PRELID2: variants seen among roughly 807,000 people sequenced by gnomAD.
The protein encoded by PRELID2 is PRELI domain containing 2, also known as PRELI domain-containing protein 2.
A neutral mutation model predicts 28.4 loss-of-function variants in PRELID2; 25 were observed. The observed-to-expected ratio is 0.88, with a 90% CI of 0.64 to 1.23. The LOEUF is 1.23. PRELID2 is among the 50% of genes most tolerant of loss of function. The pLI is 0.00. For missense variants in PRELID2, 201 were observed against 214.4 expected (o/e 0.94, Z 0.39); for synonymous variants, 76 against 71.6 (o/e 1.06, Z -0.31).
In PRELID2 at chr5:145,835,283, A is replaced by C. The variant is rs775717387; in HGVS notation, c.-32T>G. 6.7e-7 allele frequency: 1 copy of C among 1,491,928 alleles called. No homozygotes were observed. Among genetic ancestry groups the C allele is most frequent in the Non-Finnish European group, 9.1e-7 (1 of 1,098,444 alleles). The allele number at this position is 1,491,928 out of a possible 1,614,324, so 92.4% of individuals were successfully genotyped here. A position where few individuals can be genotyped will look rare whatever the true frequency, so the allele number is the denominator to read the frequency against. On this transcript the variant is annotated 5_prime_UTR_variant, in exon 1 of 7. Transcript: ENST00000683046. ...GCGCCGCGGGCCCCGCGCACCGGCC[A>C]CGCCTCCGCGAGCTCAGAGCTGCCC...
the PRELID2 span, among the ~76,000 whole-genome samples, chr5:145,358,223 G>A: frequency 6.6e-6 from 1 of 152,082 alleles, no homozygotes; most frequent in Non-Finnish European, 1.5e-5. Flanking sequence ...GAACCACTGG[G>A]CTGGAATTTC....
intron 1 of PRELID2, among the ~76,000 whole-genome samples, chr5:145,577,780 A>C (rs1262099545): frequency 6.6e-6 from 1 of 152,134 alleles, no homozygotes; most frequent in Non-Finnish European, 1.5e-5. Flanking sequence ...GTGGGTAACT[A>C]TATGTGATGT....
intron 1 of PRELID2, among the ~76,000 whole-genome samples, chr5:145,528,733 A>C (rs1752631101): frequency 6.9e-6 from 1 of 145,942 alleles, no homozygotes. Flanking sequence ...ACACAGAGAG[A>C]GAGAGAGAGA....
chr5:145,726,085 C>T (rs765678364), intron 1 of PRELID2, among the ~76,000 whole-genome samples: 7 of 151,806 alleles, frequency 4.6e-5, no homozygotes, highest in Non-Finnish European at 7.4e-5. Flanking sequence ...GGGAGGATTG[C>T]TTGAGCCCAC....
chr5:145,291,230 C>A, the PRELID2 span, among the ~76,000 whole-genome samples: 2 of 148,422 alleles, frequency 1.3e-5, no homozygotes, highest in Non-Finnish European at 3.0e-5. Context: ...CCAGCTACTC[C>A]GGAGGCTGAG....
At chr5:145,638,804 T>C (rs1754046567) in intron 1 of PRELID2, among the ~76,000 whole-genome samples, 1 of 152,252 alleles carries the variant, frequency 6.6e-6, no homozygotes, top group Non-Finnish European at 1.5e-5. Flanking sequence ...GTAGCATGCA[T>C]CTCCTTCAGC....
chr5:145,384,401 AC>A, the PRELID2 span, among the ~76,000 whole-genome samples: 9 of 152,244 alleles, frequency 5.9e-5, no homozygotes, highest in Non-Finnish European at 1.2e-4. Flanking sequence ...ATATATTCAT[AC>A]AATGGAATGT....
chr5:145,558,284 A>C (rs932773774), intron 1 of PRELID2, among the ~76,000 whole-genome samples: 5 of 152,222 alleles, frequency 3.3e-5, no homozygotes, highest in African/African-American at 1.2e-4. Flanking sequence ...TATTTTACAG[A>C]ACTGAGATAT....
At chr5:145,729,369 T>C in intron 1 of PRELID2, 1 of 567,610 alleles carries the variant, frequency 1.8e-6, no homozygotes. Context: ...ATTAAATCTG[T>C]TTTTCTCTAG....
chr5:145,240,984 G>A, the PRELID2 span, among the ~76,000 whole-genome samples: 1 of 152,018 alleles, frequency 6.6e-6, no homozygotes, highest in Admixed American at 6.6e-5. Flanking sequence ...ACTCAAACAG[G>A]TTAAAGAGCT....
chr5:145,710,402 G>T (rs1194037590), intron 1 of PRELID2, among the ~76,000 whole-genome samples: 1 of 152,034 alleles, frequency 6.6e-6, no homozygotes, highest in East Asian at 1.9e-4. Context: ...ACCTTTCTGG[G>T]CCTCAATTTT....
the PRELID2 span, among the ~76,000 whole-genome samples, chr5:145,417,657 A>G: frequency 6.6e-6 from 1 of 152,106 alleles, no homozygotes; most frequent in Non-Finnish European, 1.5e-5. Flanking sequence ...ACATGATTAT[A>G]TCAATAGATG....
chr5:145,755,117 T>C (rs1757222191), downstream of PRELID2, among the ~76,000 whole-genome samples: 1 of 152,168 alleles, frequency 6.6e-6, no homozygotes, highest in African/African-American at 2.4e-5. Context: ...TAGTACAATC[T>C]TGAAGACAAA....
chr5:145,650,741 T>C (rs1192987860), intron 1 of PRELID2, among the ~76,000 whole-genome samples: 2 of 151,958 alleles, frequency 1.3e-5, no homozygotes, highest in South Asian at 4.2e-4. Context: ...AGTTTTAACT[T>C]ATTTTCTGTG....
chr5:145,398,973 GA>G, the PRELID2 span, among the ~76,000 whole-genome samples: 1 of 152,228 alleles, frequency 6.6e-6, no homozygotes, highest in Admixed American at 6.6e-5. Context: ...TTTGAGTGAA[GA>G]AAAAACTTGA....
At chr5:145,535,125 CT>C (rs1418693504) in intron 1 of PRELID2, among the ~76,000 whole-genome samples, 1 of 151,886 alleles carries the variant, frequency 6.6e-6, no homozygotes, top group East Asian at 1.9e-4. Context: ...CCTTTTCCCC[CT>C]ATGTATCTCC....
At chr5:145,258,433 G>A in the PRELID2 span, among the ~76,000 whole-genome samples, 1 of 152,156 alleles carries the variant, frequency 6.6e-6, no homozygotes, top group Non-Finnish European at 1.5e-5. Flanking sequence ...TTCAGGCAGA[G>A]GAGGTATCAC....
At chr5:145,714,674 C>T (rs1191008785) in intron 1 of PRELID2, among the ~76,000 whole-genome samples, 1 of 152,142 alleles carries the variant, frequency 6.6e-6, no homozygotes. Flanking sequence ...TTGTCTGATT[C>T]TAATATCTGT....
chr5:145,767,141 T>C (rs1292413493), intron 5 of PRELID2, among the ~76,000 whole-genome samples: 543 of 68,126 alleles, frequency 8.0e-3, no homozygotes, highest in African/African-American at 0.03. Flanking sequence ...CCCCCCACCC[T>C]GTACCCATAA....
Sources: allele counts gnomAD v4.1 joint callset (sites outside exome capture counted in the v4.1 genomes callset), GRCh38; gene constraint gnomAD v4.1.1; transcripts MANE v1.5; gene names NCBI Gene and HGNC (gene_info 2026-07-23, HGNC 2026-07-21).